Variants in NEK1 observed in about 807,000 individuals in gnomAD.
The protein encoded by NEK1 is serine/threonine-protein kinase Nek1.
Under a neutral mutation model 182.1 loss-of-function variants are expected in NEK1, and 137 were observed. The observed-to-expected ratio is 0.75, with a 90% CI of 0.65 to 0.87. The LOEUF is 0.87. NEK1 is among the 40% of genes least tolerant of loss of function. The pLI, the probability that NEK1 is intolerant of heterozygous loss-of-function variation, is 0.00. For synonymous variants in NEK1, 513 were observed against 492.2 expected (o/e 1.04, Z -0.56); for missense variants, 1,391 against 1,494.4 (o/e 0.93, Z 1.14).
At chr4:169,450,123 T>G (rs145210058) in intron 27 of NEK1, among the ~76,000 whole-genome samples, 11,152 of 151,994 alleles carry the variant, frequency 0.073, 1,337 homozygotes, top group African/African-American at 0.25. Context: ...AAGAGAAGTT[T>G]AGAGAAAAAA....
chr4:169,428,592 T>A (rs926662282), intron 29 of NEK1, among the ~76,000 whole-genome samples: 1 of 151,734 alleles, frequency 6.6e-6, no homozygotes, highest in South Asian at 2.1e-4. Flanking sequence ...GGGGGATGAT[T>A]GCTTAACAGA....
chr4:169,543,039 GT>G (rs1340024131), intron 18 of NEK1, among the ~76,000 whole-genome samples: 2 of 152,246 alleles, frequency 1.3e-5, no homozygotes, highest in East Asian at 1.9e-4. Flanking sequence ...TGTTTTGGGT[GT>G]TTTAGTCATG....
chr4:169,410,907 C>T (rs1487855276), intron 31 of NEK1, among the ~76,000 whole-genome samples: 2 of 152,220 alleles, frequency 1.3e-5, no homozygotes, highest in East Asian at 1.9e-4. Flanking sequence ...GAAACACGAG[C>T]TGACTGAAGG....
intron 23 of NEK1, among the ~76,000 whole-genome samples, chr4:169,488,434 C>G (rs1326095139): frequency 6.6e-6 from 1 of 152,098 alleles, no homozygotes; most frequent in East Asian, 1.9e-4. Flanking sequence ...ATAGGAAATC[C>G]TTTCCCTATT....
intron 27 of NEK1, among the ~76,000 whole-genome samples, chr4:169,439,137 T>C (rs1738957353): frequency 6.6e-6 from 1 of 152,218 alleles, no homozygotes; most frequent in Admixed American, 6.5e-5. Context: ...CAACTTATTG[T>C]ATTCAAGTGG....
At chr4:169,475,458 G>A (rs1338521934) in intron 26 of NEK1, among the ~76,000 whole-genome samples, 1 of 151,980 alleles carries the variant, frequency 6.6e-6, no homozygotes, top group African/African-American at 2.4e-5. Context: ...ATCAAACTGA[G>A]TCCAAGTATT....
At chr4:169,485,652 A>G (rs1168561837) in intron 23 of NEK1, among the ~76,000 whole-genome samples, 2 of 152,172 alleles carry the variant, frequency 1.3e-5, no homozygotes, top group African/African-American at 4.8e-5. Flanking sequence ...AAAAATTTGG[A>G]ACAAAGAATG....
chr4:169,395,559 A>G (rs535317315), intron 35 of NEK1, among the ~76,000 whole-genome samples: 1 of 152,218 alleles, frequency 6.6e-6, no homozygotes, highest in Admixed American at 6.5e-5. Flanking sequence ...TAGTTGGATC[A>G]TTACTTTATA....
intron 35 of NEK1, among the ~76,000 whole-genome samples, chr4:169,396,954 G>A (rs1451669223): frequency 6.6e-6 from 1 of 152,136 alleles, no homozygotes; most frequent in Non-Finnish European, 1.5e-5. Flanking sequence ...AGGTAGGCTG[G>A]GTGCGGTGGG....
At chr4:169,394,585 A>C in intron 35 of NEK1, 62 bp from the exon 36 acceptor site, 3 of 1,052,326 alleles carry the variant, frequency 2.9e-6, no homozygotes, top group South Asian at 3.1e-5. Context: ...TTTAAAAAAA[A>C]CCCATTCTTG....
chr4:169,550,675 G>A (rs1031840366), intron 18 of NEK1, among the ~76,000 whole-genome samples: 1 of 152,148 alleles, frequency 6.6e-6, no homozygotes, highest in African/African-American at 2.4e-5. Context: ...ACTGCTCCTA[G>A]GGTAAATGCA....
intron 35 of NEK1, among the ~76,000 whole-genome samples, chr4:169,395,166 T>C (rs563986299): frequency 6.6e-6 from 1 of 152,330 alleles, no homozygotes; most frequent in South Asian, 2.1e-4. Context: ...AACTTAATCT[T>C]ATATGCAAGC....
At chr4:169,399,436 G>A (rs1022490422) in intron 35 of NEK1, among the ~76,000 whole-genome samples, 7 of 151,740 alleles carry the variant, frequency 4.6e-5, no homozygotes, top group Admixed American at 4.6e-4. Flanking sequence ...AAGTAGTCAG[G>A]TGTGGTGGCG....
chr4:169,549,762 C>A (rs775244260), intron 18 of NEK1, among the ~76,000 whole-genome samples: 1 of 149,254 alleles, frequency 6.7e-6, no homozygotes, highest in Non-Finnish European at 1.5e-5. Flanking sequence ...CTCTGTCACC[C>A]AGGCTGGAGT....
rs182583450 is a variant in NEK1, at chr4:169,469,111, A to G, written c.2435-5716T>C. On this transcript the variant is annotated intron_variant, in intron 26 of 35. Transcript: ENST00000507142. ...TTTTTGAAGGGCTTTTCATGTCTCT[A>G]TCTTCTTTCAGTTCTGCTCTGATCT... Among the ~76,000 whole-genome samples, 62 of 151,666 alleles carry G rather than the reference A, an allele frequency of 4.1e-4. No individual in the cohort carries two copies. In the East Asian group the frequency reaches 0.011, roughly 27 times the overall value.
At chr4:169,566,341 T>C (rs1763671858) in intron 12 of NEK1, among the ~76,000 whole-genome samples, 1 of 152,206 alleles carries the variant, frequency 6.6e-6, no homozygotes, top group Non-Finnish European at 1.5e-5. Flanking sequence ...AATACTAAGC[T>C]GTTCCTCTAA....
At chr4:169,426,297 T>A in intron 29 of NEK1, 63 bp from the exon 30 acceptor site, 1 of 1,337,584 alleles carries the variant, frequency 7.5e-7, no homozygotes, top group Non-Finnish European at 1.1e-6. Flanking sequence ...ATAAAAGTGC[T>A]CTAAAATACA....
At chr4:169,568,264 T>C (rs189595240) in intron 12 of NEK1, among the ~76,000 whole-genome samples, 42 of 152,304 alleles carry the variant, frequency 2.8e-4, no homozygotes, top group Non-Finnish European at 4.1e-4. Flanking sequence ...TTTTATTCCA[T>C]GGGAAGACAG....
chr4:169,502,645 T>C (rs1752602473), intron 23 of NEK1, among the ~76,000 whole-genome samples: 1 of 152,070 alleles, frequency 6.6e-6, no homozygotes, highest in Non-Finnish European at 1.5e-5. Context: ...ATCACCTCAA[T>C]ATACACATAA....
Sources: allele counts gnomAD v4.1 joint callset (sites outside exome capture counted in the v4.1 genomes callset), GRCh38; gene constraint gnomAD v4.1.1; transcripts MANE v1.5; gene names NCBI Gene and HGNC (gene_info 2026-07-23, HGNC 2026-07-21).